The following ZC3H12B variants were observed in gnomAD, a reference collection of about 807,000 sequenced individuals.
The protein encoded by ZC3H12B is probable ribonuclease ZC3H12B.
In ZC3H12B, 7 loss-of-function variants were observed where a neutral mutation model predicts 43.9. The observed-to-expected ratio is 0.16, with a 90% CI of 0.09 to 0.30. The LOEUF is 0.30. ZC3H12B is among the 10% of genes least tolerant of loss of function. The pLI, the probability that ZC3H12B is intolerant of heterozygous loss-of-function variation, is 1.00. For missense variants in ZC3H12B, 475 were observed against 670.2 expected, an observed-to-expected ratio of 0.71 and a Z score of 3.22; for synonymous variants, 222 against 241.7, an observed-to-expected ratio of 0.92 and a Z score of 0.76.
At chrX:65,476,798 C>T (rs1181774535) in intron 3 of ZC3H12B, among the ~76,000 whole-genome samples, 1 of 109,266 alleles carries the variant, frequency 9.2e-6, no homozygotes, top group African/African-American at 3.3e-5. Context: ...TTTATCAGCC[C>T]ATAGCCTCTA....
intron 3 of ZC3H12B, among the ~76,000 whole-genome samples, chrX:65,477,364 TAC>T (rs1262807905): frequency 1.1e-5 from 1 of 91,504 alleles, no homozygotes; most frequent in East Asian, 2.8e-4. Context: ...ACAAGCATTA[TAC>T]ACACACACGT....
At chrX:65,142,007 C>G in the ZC3H12B span, among the ~76,000 whole-genome samples, 1 of 112,042 alleles carries the variant, frequency 8.9e-6, no homozygotes, top group Non-Finnish European at 1.9e-5. Flanking sequence ...ATAATGACTT[C>G]TTTTCCTCTG....
the ZC3H12B span, among the ~76,000 whole-genome samples, chrX:65,143,725 G>A: frequency 4.7e-5 from 5 of 107,486 alleles, no homozygotes; most frequent in African/African-American, 1.0e-4. Context: ...ACCATGCCCA[G>A]CTAATTTTTT....
chrX:65,473,329 T>A (rs897087665), intron 3 of ZC3H12B, among the ~76,000 whole-genome samples: 19 of 111,069 alleles, frequency 1.7e-4, no homozygotes, highest in Non-Finnish European at 2.8e-4. Context: ...AATATATTTT[T>A]AAATCAAGAT....
chrX:65,339,213 G>A, the ZC3H12B span, among the ~76,000 whole-genome samples: 3 of 111,078 alleles, frequency 2.7e-5, no homozygotes, highest in African/African-American at 9.8e-5. Context: ...ACTTCTAACA[G>A]ATCTCCAGAG....
chrX:65,439,018 G>A (rs2067266628), intron 3 of ZC3H12B, among the ~76,000 whole-genome samples: 1 of 112,303 alleles, frequency 8.9e-6, no homozygotes, highest in Non-Finnish European at 1.9e-5. Context: ...CTCAGGAGTC[G>A]GGATCCACAT....
chrX:65,146,400 A>C, the ZC3H12B span, among the ~76,000 whole-genome samples: 2 of 111,494 alleles, frequency 1.8e-5, no homozygotes, highest in African/African-American at 6.5e-5. Context: ...ATTGGGCTTC[A>C]CCTTTGTCTG....
At chrX:65,364,352 G>C (rs1226068957), upstream of ZC3H12B, among the ~76,000 whole-genome samples, 2 of 106,884 alleles carry the variant, frequency 1.9e-5, no homozygotes, top group African/African-American at 6.9e-5. Flanking sequence ...ACTACACAAG[G>C]GTCCTCCATC....
chrX:65,057,746 A>C, the ZC3H12B span, among the ~76,000 whole-genome samples: 1 of 111,576 alleles, frequency 9.0e-6, no homozygotes. Context: ...TGGTCTTTTC[A>C]TATAGTCCCA....
chrX:65,067,906 G>A, the ZC3H12B span, among the ~76,000 whole-genome samples: 1 of 110,563 alleles, frequency 9.0e-6, no homozygotes. Context: ...TGCTTTTGCT[G>A]TATCCCTTGA....
upstream of ZC3H12B, among the ~76,000 whole-genome samples, chrX:65,362,814 A>G (rs992434124): frequency 9.0e-6 from 1 of 111,064 alleles, no homozygotes; most frequent in African/African-American, 3.3e-5. Context: ...CAAAAACTAG[A>G]CAAGCCTTAA....
At chrX:65,215,022 TTC>T in the ZC3H12B span, among the ~76,000 whole-genome samples, 1 of 111,390 alleles carries the variant, frequency 9.0e-6, no homozygotes, top group Admixed American at 9.6e-5. Flanking sequence ...TCCAAAAGAA[TTC>T]TTTTTTCTAA....
the ZC3H12B span, among the ~76,000 whole-genome samples, chrX:65,288,320 C>A: frequency 9.0e-6 from 1 of 110,862 alleles, no homozygotes; most frequent in Admixed American, 9.7e-5. Flanking sequence ...CCAGCAATTA[C>A]CCTGAGGCAA....
the ZC3H12B span, among the ~76,000 whole-genome samples, chrX:65,276,573 A>G: frequency 1.8e-5 from 2 of 111,893 alleles, no homozygotes; most frequent in South Asian, 3.7e-4. Flanking sequence ...AAAAAACTAT[A>G]AGCCAAGGAT....
the ZC3H12B span, among the ~76,000 whole-genome samples, chrX:65,080,982 G>T: frequency 9.3e-6 from 1 of 107,196 alleles, no homozygotes; most frequent in Admixed American, 1.0e-4. Flanking sequence ...AAAAAGCAGG[G>T]GGACAAAGTT....
intron 3 of ZC3H12B, among the ~76,000 whole-genome samples, chrX:65,446,561 C>T (rs1479097765): frequency 8.9e-6 from 1 of 111,917 alleles, no homozygotes; most frequent in African/African-American, 3.2e-5. Flanking sequence ...CAGACTAGAG[C>T]TAATTTAAAT....
At chrX:65,395,319 T>G (rs2066682015) in intron 2 of ZC3H12B, among the ~76,000 whole-genome samples, 1 of 112,067 alleles carries the variant, frequency 8.9e-6, no homozygotes, top group Non-Finnish European at 1.9e-5. Context: ...GTTTTGCCCA[T>G]TCAGTGTGAT....
At chrX:65,143,988 G>A in the ZC3H12B span, among the ~76,000 whole-genome samples, 1 of 111,204 alleles carries the variant, frequency 9.0e-6, no homozygotes, top group Non-Finnish European at 1.9e-5. Flanking sequence ...GTCCTTTTCT[G>A]GTTTTCATAT....
chrX:65,470,317 G>A lies in ZC3H12B; in HGVS notation n.408-18329G>A, dbSNP rs572984760. 1.1e-4 allele frequency: 13 copies of A among 114,729 alleles called. No individual in the cohort carries two copies. In the South Asian group the frequency reaches 4.2e-3, roughly 37 times the overall value. 9.5% of individuals were successfully genotyped at this position (114,729 alleles called of 1,213,427 possible). On this transcript the variant is annotated intron_variant and non_coding_transcript_variant, in intron 3 of 5. Transcript: ENST00000617377. The stretch of plus-strand genomic sequence containing the variant: ...TATATGAAGATCATCGAGAAAAGAG[G>A]TTATCAGGTCTTGCCCTGGCTTCCC...
Sources: allele counts gnomAD v4.1 joint callset (sites outside exome capture counted in the v4.1 genomes callset), GRCh38; gene constraint gnomAD v4.1.1; transcripts MANE v1.5; gene names NCBI Gene and HGNC (gene_info 2026-07-23, HGNC 2026-07-21).